Variants in BTRC observed in about 807,000 individuals in gnomAD.
BTRC encodes the protein beta-transducin repeat containing E3 ubiquitin protein ligase.
Under a neutral mutation model 85.5 loss-of-function variants are expected in BTRC, and 42 were observed. The ratio of observed to expected loss-of-function variants is 0.49; its 90% CI spans 0.38 to 0.64. The LOEUF is 0.64. Among genes scored for constraint, BTRC ranks in the 30% least tolerant of loss-of-function variants. The probability of loss-of-function intolerance (pLI) is 0.00; values close to 1 mark genes in which losing one functional copy is unlikely to be tolerated. For missense variants in BTRC, 594 were observed against 743.5 expected (o/e 0.80, Z 2.34); for synonymous variants, 255 against 263.3 (o/e 0.97, Z 0.30).
intron 4 of BTRC, among the ~76,000 whole-genome samples, chr10:101,496,836 C>T (rs952529950): frequency 6.6e-6 from 1 of 152,042 alleles, no homozygotes; most frequent in Non-Finnish European, 1.5e-5. Context: ...ATTCTGGATA[C>T]AGGTTATTTG....
chr10:101,547,360 G>A (rs1207102749), intron 13 of BTRC, among the ~76,000 whole-genome samples: 6 of 109,126 alleles, frequency 5.5e-5, no homozygotes, highest in African/African-American at 1.1e-4. Flanking sequence ...TTTTTGAGAC[G>A]GAGTCTCACT....
At chr10:101,415,318 G>A (rs1943901945) in intron 1 of BTRC, among the ~76,000 whole-genome samples, 1 of 151,778 alleles carries the variant, frequency 6.6e-6, no homozygotes. Flanking sequence ...TGGGACTACA[G>A]GCATGTGCCA....
chr10:101,496,062 T>C (rs571933274), intron 4 of BTRC, among the ~76,000 whole-genome samples: 1 of 152,266 alleles, frequency 6.6e-6, no homozygotes, highest in African/African-American at 2.4e-5. Context: ...GTCATTTATA[T>C]TGTTATGTAT....
intron 1 of BTRC, among the ~76,000 whole-genome samples, chr10:101,363,798 G>A (rs1431883220): frequency 1.3e-5 from 2 of 152,194 alleles, no homozygotes; most frequent in Non-Finnish European, 2.9e-5. Flanking sequence ...CAGTCAAGCG[G>A]TGGCCAGAGT....
Position 101,539,524 on chromosome 10 carries a change from TA to T in BTRC, c.1656+1154del, listed in dbSNP as rs1391294452. ...ACTACATGTTGCTGATGTATATCAA[TA>T]TTTCATTTCTTTTGAAAATTTGCTG... is the stretch of plus-strand genomic sequence containing the variant. On this transcript the variant is annotated intron_variant, in intron 13 of 14. Coordinates refer to ENST00000370187, the MANE Select transcript of BTRC (RefSeq NM_033637.4). Among the ~76,000 whole-genome samples, 3 of 152,228 alleles carry T rather than the reference TA, an allele frequency of 2.0e-5. No individual in the cohort carries two copies. The East Asian group carries it at 5.8e-4, about 29-fold the overall frequency.
At chr10:101,538,475 A>T in intron 13 of BTRC, 104 bp downstream of exon 13, 1 of 1,008,656 alleles carries the variant, frequency 9.9e-7, no homozygotes, top group Non-Finnish European at 1.5e-6. Context: ...TTACAACCTC[A>T]CAAAACCTAC....
chr10:101,467,781 G>A (rs1945419260), intron 3 of BTRC, among the ~76,000 whole-genome samples: 1 of 151,912 alleles, frequency 6.6e-6, no homozygotes, highest in Admixed American at 6.6e-5. Flanking sequence ...CTTAATTTTA[G>A]TCATCTGTTT....
chr10:101,496,927 G>A (rs1381496482), intron 4 of BTRC, among the ~76,000 whole-genome samples: 1 of 152,024 alleles, frequency 6.6e-6, no homozygotes, highest in African/African-American at 2.4e-5. Context: ...GATGAACAGA[G>A]GTTCTTAATT....
intron 1 of BTRC, among the ~76,000 whole-genome samples, chr10:101,408,892 C>CA (rs1455322105): frequency 6.6e-6 from 1 of 151,676 alleles, no homozygotes; most frequent in East Asian, 1.9e-4. Context: ...ACTAAAAATA[C>CA]AAAAAAATTA....
intron 1 of BTRC, among the ~76,000 whole-genome samples, chr10:101,373,306 A>T (rs1028647468): frequency 6.6e-6 from 1 of 152,198 alleles, no homozygotes; most frequent in Non-Finnish European, 1.5e-5. Context: ...GAGGGGTACC[A>T]GAGAGGCAGG....
At chr10:101,543,215 C>T (rs1303509548) in intron 13 of BTRC, among the ~76,000 whole-genome samples, 2 of 152,158 alleles carry the variant, frequency 1.3e-5, no homozygotes, top group African/African-American at 4.8e-5. Context: ...TGGGTACCTG[C>T]GTGCTTAGGA....
chr10:101,540,826 G>T (rs1052349583), intron 13 of BTRC, among the ~76,000 whole-genome samples: 7 of 152,110 alleles, frequency 4.6e-5, no homozygotes, highest in South Asian at 2.1e-4. Context: ...GTTGACTGTA[G>T]ATCAGTTTGG....
intron 1 of BTRC, among the ~76,000 whole-genome samples, chr10:101,423,926 C>A (rs1346099037): frequency 6.6e-6 from 1 of 152,128 alleles, no homozygotes; most frequent in African/African-American, 2.4e-5. Context: ...TTGCACTTTG[C>A]AGCTTTTAGA....
chr10:101,406,974 CTTT>C (rs1346054205), intron 1 of BTRC, among the ~76,000 whole-genome samples: 1 of 152,134 alleles, frequency 6.6e-6, no homozygotes, highest in East Asian at 1.9e-4. Flanking sequence ...ATCTGTCCTT[CTTT>C]GTTTATACTT....
intron 1 of BTRC, among the ~76,000 whole-genome samples, chr10:101,404,831 T>C (rs1943580452): frequency 6.6e-6 from 1 of 151,962 alleles, no homozygotes. Context: ...ACTCCATCTC[T>C]ACTAAAAATA....
intron 9 of BTRC, among the ~76,000 whole-genome samples, chr10:101,533,367 C>G (rs1589608316): frequency 1.3e-5 from 2 of 152,314 alleles, no homozygotes; most frequent in East Asian, 3.9e-4. Flanking sequence ...CAAAAACCAC[C>G]TCACGGGGGA....
rs71016330 is a variant in BTRC, at chr10:101,509,243, A to ATTTTT, written c.325-12371_325-12367dup. Among the ~76,000 whole-genome samples the ATTTTT allele has an allele frequency of 3.4e-4, 24 of 69,914 alleles. 3 individuals are homozygous for ATTTTT. The highest frequency in any genetic ancestry group is 1.5e-3 in the African/African-American group (22 of 14,606). The allele number at this position is 69,914 out of a possible 152,430, so 45.9% of individuals were successfully genotyped here. The stretch of plus-strand genomic sequence containing the variant: ...TTCAAGCATGACAGTGGCAATGTGG[A>ATTTTT]TTTTTTTTTTTTTTTTTTTTTTTTT... On this transcript the variant is annotated intron_variant, in intron 4 of 14. Transcript: ENST00000370187.
chr10:101,427,149 T>G (rs1356659440), intron 1 of BTRC, among the ~76,000 whole-genome samples: 1 of 148,728 alleles, frequency 6.7e-6, no homozygotes, highest in Non-Finnish European at 1.5e-5. Context: ...GACGGAGTCT[T>G]GTTCTGTCGC....
intron 1 of BTRC, among the ~76,000 whole-genome samples, chr10:101,383,294 G>A (rs1471444233): frequency 1.3e-5 from 2 of 151,440 alleles, no homozygotes; most frequent in Non-Finnish European, 2.9e-5. Context: ...TTAGGCCTGG[G>A]TTGGGGTCTG....
Sources: gnomAD v4.1 joint callset for allele counts (sites outside exome capture counted in the v4.1 genomes callset) on GRCh38, gnomAD v4.1.1 for gene constraint, MANE v1.5 for transcripts, NCBI Gene and HGNC (gene_info 2026-07-23, HGNC 2026-07-21) for gene names.